The following MYH15 variants were observed in gnomAD, a reference collection of about 807,000 sequenced individuals.
MYH15 encodes myosin-15.
MYH15 carries 227 observed loss-of-function variants against 240.5 expected under a neutral mutation model. That is an observed-to-expected ratio of 0.94 (90% confidence interval 0.85 to 1.05). The LOEUF (loss-of-function observed/expected upper bound fraction) is 1.05. Ranked by LOEUF, MYH15 falls within the 50% of genes least tolerant of loss-of-function variation. The pLI is 0.00. For synonymous variants in MYH15, 785 were observed against 796.7 expected, an observed-to-expected ratio of 0.99 and a Z score of 0.25; for missense variants, 2,217 against 2,247.5, an observed-to-expected ratio of 0.99 and a Z score of 0.27.
chr3:108,403,734 C>T (rs941737301), intron 33 of MYH15, among the ~76,000 whole-genome samples: 3 of 152,082 alleles, frequency 2.0e-5, no homozygotes, highest in Non-Finnish European at 2.9e-5. Context: ...AGCTCACCCC[C>T]CTGCCTCCAG....
intron 28 of MYH15, among the ~76,000 whole-genome samples, chr3:108,418,288 A>T (rs1435531757): frequency 6.6e-6 from 1 of 152,234 alleles, no homozygotes; most frequent in African/African-American, 2.4e-5. Flanking sequence ...CAGAATAGTA[A>T]AAAGATATAT....
chr3:108,411,971 T>C (rs537148060), intron 30 of MYH15, among the ~76,000 whole-genome samples: 5 of 152,338 alleles, frequency 3.3e-5, no homozygotes, highest in Admixed American at 1.3e-4. Context: ...TTCATGTTTC[T>C]TAAACGTTAA....
At chr3:108,506,723 C>T (rs979410263) in intron 1 of MYH15, among the ~76,000 whole-genome samples, 3 of 152,138 alleles carry the variant, frequency 2.0e-5, no homozygotes, top group African/African-American at 2.4e-5. Context: ...TTTACTCCCC[C>T]AGTCCTGTCT....
chr3:108,460,433 AC>A, intron 16 of MYH15, 66 bp from the exon 17 acceptor site: 2 of 1,275,392 alleles, frequency 1.6e-6, no homozygotes, highest in Non-Finnish European at 2.2e-6. Context: ...ACATTATCCT[AC>A]CCCACTGATG....
chr3:108,498,216 G>T, intron 5 of MYH15, 71 bp from the exon 6 acceptor site: 1 of 1,326,900 alleles, frequency 7.5e-7, no homozygotes, highest in South Asian at 1.2e-5. Flanking sequence ...AGGTAATTTT[G>T]ATTATATAGG....
intron 36 of MYH15, among the ~76,000 whole-genome samples, chr3:108,392,516 A>G (rs2082429330): frequency 6.6e-6 from 1 of 152,250 alleles, no homozygotes; most frequent in South Asian, 2.1e-4. Flanking sequence ...TGCAATCATT[A>G]AGAACTGTTT....
chr3:108,403,736 T>C (rs1256955656), intron 33 of MYH15, among the ~76,000 whole-genome samples: 1 of 152,130 alleles, frequency 6.6e-6, no homozygotes, highest in Non-Finnish European at 1.5e-5. Flanking sequence ...CTCACCCCCC[T>C]GCCTCCAGTC....
rs544680580 is a variant in MYH15 at position 108,431,649 on chromosome 3, C to T, written c.3222-727G>A. Reference sequence around the variant, plus strand: ...AACGGACTAATATAGAAATTGGTACCAGTAGAGTGGGGTGCTGATGAAAAG... The same window carrying T: ...AACGGACTAATATAGAAATTGGTACTAGTAGAGTGGGGTGCTGATGAAAAG... On this transcript the variant is annotated intron_variant, in intron 25 of 40. Coordinates refer to ENST00000693548, the MANE Select transcript of MYH15 (RefSeq NM_014981.3). Among the ~76,000 whole-genome samples, 29 of 152,214 alleles carry T rather than the reference C, an allele frequency of 1.9e-4. No homozygotes were observed. The Middle Eastern group carries it at 0.01, about 54-fold the overall frequency.
At chr3:108,407,957 T>C (rs891630978) in intron 32 of MYH15, among the ~76,000 whole-genome samples, 2 of 152,192 alleles carry the variant, frequency 1.3e-5, no homozygotes, top group African/African-American at 4.8e-5. Context: ...GCGATGTCCA[T>C]GGGCCACATG....
At chr3:108,476,336 C>T (rs2083219890) in intron 12 of MYH15, 61 bp downstream of exon 12, 3 of 1,106,496 alleles carry the variant, frequency 2.7e-6, no homozygotes, top group Non-Finnish European at 4.1e-6. Flanking sequence ...ATATACAGTA[C>T]AATATATATA....
At chr3:108,412,954 G>T (rs534600850) in intron 30 of MYH15, among the ~76,000 whole-genome samples, 18 of 152,302 alleles carry the variant, frequency 1.2e-4, no homozygotes, top group African/African-American at 4.3e-4. Flanking sequence ...CAATTTGAAA[G>T]TAAAAAATTG....
intron 29 of MYH15, 134 bp downstream of exon 29, chr3:108,416,678 T>G: frequency 1.3e-6 from 1 of 746,358 alleles, no homozygotes; most frequent in Non-Finnish European, 2.2e-6. Flanking sequence ...CCTGGCATGG[T>G]TTTTCCCCCA....
At chr3:108,418,283 T>C (rs907203081) in intron 28 of MYH15, among the ~76,000 whole-genome samples, 9 of 152,200 alleles carry the variant, frequency 5.9e-5, no homozygotes, top group Non-Finnish European at 1.3e-4. Flanking sequence ...TCACACAGAA[T>C]AGTAAAAAGA....
chr3:108,540,998 T>G, the MYH15 span, among the ~76,000 whole-genome samples: 1 of 152,000 alleles, frequency 6.6e-6, no homozygotes, highest in Admixed American at 6.6e-5. Context: ...TAACAAGGTA[T>G]AAAAACTATA....
rs144879719 is a variant in MYH15, at chr3:108,485,609, G to A, written c.976-380C>T. On this transcript the variant is annotated intron_variant, in intron 10 of 40. Transcript: ENST00000693548. ...GTTGCTTGTTTCTGTGATCCCACAG[G>A]TTCTGACTTTATTCCAGAGGAGACA... is the stretch of plus-strand genomic sequence containing the variant. 4.7e-4 allele frequency among the ~76,000 whole-genome samples: 72 copies of A among 152,266 alleles called. 3 individuals are homozygous for A. In the East Asian group the frequency reaches 9.1e-3, roughly 19 times the overall value.
In MYH15 at chr3:108,429,569, C is replaced by A. The variant is rs78609540; in HGVS notation, c.3313-688G>T. 7.7e-3 allele frequency among the ~76,000 whole-genome samples: 1,166 copies of A among 152,148 alleles called. 18 individuals carry two copies. The highest frequency in any genetic ancestry group is 0.026 in the African/African-American group (1,097 of 41,504). On this transcript the variant is annotated intron_variant, in intron 26 of 40. Coordinates refer to ENST00000693548, the MANE Select transcript of MYH15 (RefSeq NM_014981.3). ...AGCCCCAAGCCCTTTTAGTATAGGC[C>A]AAACAGGTCTACAAATCCTGAGAAC...
intron 38 of MYH15, 54 bp from the exon 39 acceptor site, chr3:108,384,836 G>C: frequency 6.8e-7 from 1 of 1,478,228 alleles, no homozygotes; most frequent in Non-Finnish European, 9.4e-7. Flanking sequence ...AGCAGTCTAC[G>C]TTGGTGTAGT....
chr3:108,447,097 C>T (rs1374935742), intron 21 of MYH15, among the ~76,000 whole-genome samples: 2 of 151,926 alleles, frequency 1.3e-5, no homozygotes, highest in African/African-American at 4.8e-5. Context: ...GAAAAAATTC[C>T]ATGGAAAGTA....
At chr3:108,519,820 T>G (rs185565397) in intron 1 of MYH15, among the ~76,000 whole-genome samples, 1 of 152,310 alleles carries the variant, frequency 6.6e-6, no homozygotes, top group East Asian at 1.9e-4. Context: ...ATATATTTAG[T>G]GATTCTAAAA....
Sources: allele counts gnomAD v4.1 joint callset (sites outside exome capture counted in the v4.1 genomes callset), GRCh38; gene constraint gnomAD v4.1.1; transcripts MANE v1.5; gene names NCBI Gene and HGNC (gene_info 2026-07-23, HGNC 2026-07-21).